CLEC16A: variants seen among roughly 807,000 people sequenced by gnomAD.
The protein encoded by CLEC16A is C-type lectin domain containing 16A, also known as protein CLEC16A.
Under a neutral mutation model 109.5 loss-of-function variants are expected in CLEC16A, and 51 were observed. The ratio of observed to expected loss-of-function variants is 0.47; its 90% CI spans 0.37 to 0.59. The LOEUF is 0.59. Ranked by LOEUF, CLEC16A falls within the 20% of genes least tolerant of loss-of-function variation. The pLI is 0.00. For synonymous variants in CLEC16A, 673 were observed against 564.2 expected (o/e 1.19, Z -2.73); for missense variants, 1,339 against 1,394.0 (o/e 0.96, Z 0.63).
chr16:11,171,111 A>AG (rs1172203804), intron 23 of CLEC16A, among the ~76,000 whole-genome samples: 1 of 152,204 alleles, frequency 6.6e-6, no homozygotes, highest in Non-Finnish European at 1.5e-5. Context: ...GGCCGTGGGC[A>AG]GGGGGGAGGA....
intron 22 of CLEC16A, among the ~76,000 whole-genome samples, chr16:11,164,310 C>T (rs1567410232): frequency 1.3e-5 from 2 of 152,212 alleles, no homozygotes; most frequent in South Asian, 2.1e-4. Context: ...AAGTCACCCC[C>T]AAAACCCAAC....
chr16:10,954,861 G>C lies in CLEC16A; in HGVS notation c.81-2921G>C, dbSNP rs2041913247. Among the ~76,000 whole-genome samples, 1 of 152,142 alleles carries C rather than the reference G, an allele frequency of 6.6e-6. No individual in the cohort carries two copies. Among genetic ancestry groups the C allele is most frequent in the Non-Finnish European group, 1.5e-5 (1 of 68,034 alleles). On this transcript the variant is annotated intron_variant, in intron 1 of 23. Transcript: ENST00000409790. This position sits in a 1 kb window ranked among gnomAD's most constrained non-coding sequence, Gnocchi z 4.2. ...GCCTGATCTCTTTTCTACCTTCCTG[G>C]AATATTCCTTAGATAATGTAGTAAT...
intron 19 of CLEC16A, among the ~76,000 whole-genome samples, chr16:11,070,215 C>T (rs981074909): frequency 2.0e-5 from 3 of 152,046 alleles, no homozygotes; most frequent in Non-Finnish European, 2.9e-5. Flanking sequence ...GGACTACAGG[C>T]GCGTGCCACC....
chr16:11,088,878 T>C (rs2050153172), intron 19 of CLEC16A, among the ~76,000 whole-genome samples: 1 of 152,232 alleles, frequency 6.6e-6, no homozygotes, highest in South Asian at 2.1e-4. Context: ...GCATACTTGT[T>C]AGGCTACCAA....
At position 11,039,883 on chromosome 16, in the gene CLEC16A, A is replaced by G. The variant is rs1477634038; in HGVS notation, c.1660+7A>G. 6.2e-7 allele frequency: 1 copy of G among 1,611,612 alleles called. No individual in the cohort carries two copies. Among genetic ancestry groups the G allele is most frequent in the Admixed American group, 1.7e-5 (1 of 59,752 alleles). ...AACAACGCTGCCCAGCCAGGTGCCC[A>G]CTTGGGGTGTTGTCTGTCCACAGGG... On this transcript the variant is annotated splice_region_variant and intron_variant, in intron 14 of 23. Transcript: ENST00000409790.
intron 10 of CLEC16A, among the ~76,000 whole-genome samples, chr16:11,000,510 C>G (rs927177199): frequency 1.3e-5 from 2 of 152,148 alleles, no homozygotes; most frequent in Admixed American, 6.5e-5. Flanking sequence ...AAGCTAACTT[C>G]CTGGGTTTGG....
chr16:11,132,325 A>G (rs1400337678), intron 22 of CLEC16A, among the ~76,000 whole-genome samples: 1 of 149,280 alleles, frequency 6.7e-6, no homozygotes, highest in Admixed American at 6.9e-5. Flanking sequence ...ATTTCATATC[A>G]ATCATACAAT....
At chr16:11,163,857 G>A (rs2054811176) in intron 22 of CLEC16A, among the ~76,000 whole-genome samples, 1 of 152,176 alleles carries the variant, frequency 6.6e-6, no homozygotes, top group Non-Finnish European at 1.5e-5. Flanking sequence ...TGATAAATAG[G>A]CAGCTCGGGA....
At chr16:11,159,919 A>C (rs1007895612) in intron 22 of CLEC16A, among the ~76,000 whole-genome samples, 1 of 152,154 alleles carries the variant, frequency 6.6e-6, no homozygotes, top group African/African-American at 2.4e-5. Flanking sequence ...AGCCATCTCA[A>C]ACCCTTCCTG....
At chr16:11,030,847 G>C (rs1335550626) in intron 13 of CLEC16A, among the ~76,000 whole-genome samples, 1 of 152,146 alleles carries the variant, frequency 6.6e-6, no homozygotes, top group Non-Finnish European at 1.5e-5. Context: ...GTTTCGCCCT[G>C]TTGGCCAGGC....
intron 19 of CLEC16A, among the ~76,000 whole-genome samples, chr16:11,073,758 G>C (rs1417683124): frequency 3.3e-5 from 5 of 152,180 alleles, no homozygotes; most frequent in Non-Finnish European, 5.9e-5. Context: ...TGCGCTTACC[G>C]CTCTGTATAT....
chr16:11,153,247 G>C (rs923864767), intron 22 of CLEC16A, among the ~76,000 whole-genome samples: 1 of 152,122 alleles, frequency 6.6e-6, no homozygotes, highest in Admixed American at 6.6e-5. Flanking sequence ...TGACACCAGC[G>C]ATTTACATAG....
At chr16:11,023,313 A>G (rs145609239) in intron 12 of CLEC16A, among the ~76,000 whole-genome samples, 6 of 152,206 alleles carry the variant, frequency 3.9e-5, no homozygotes, top group Admixed American at 2.0e-4. Context: ...CCACCCAGCT[A>G]TTGGCATTTG....
At chr16:10,988,548 G>T (rs1329719254) in intron 10 of CLEC16A, among the ~76,000 whole-genome samples, 1 of 152,206 alleles carries the variant, frequency 6.6e-6, no homozygotes, top group East Asian at 1.9e-4. Context: ...GGGCTCTCGT[G>T]ACATTCTTGT....
intron 22 of CLEC16A, among the ~76,000 whole-genome samples, chr16:11,143,634 C>G (rs1174785159): frequency 6.6e-6 from 1 of 152,196 alleles, no homozygotes; most frequent in South Asian, 2.1e-4. Flanking sequence ...TCAGAGCAGA[C>G]AGGATAGGGA....
At chr16:11,052,380 C>T (rs931770885) in intron 18 of CLEC16A, among the ~76,000 whole-genome samples, 15 of 152,144 alleles carry the variant, frequency 9.9e-5, no homozygotes, top group Non-Finnish European at 1.5e-4. Context: ...TGAGTTAATT[C>T]GTGTGTGACA....
intron 11 of CLEC16A, among the ~76,000 whole-genome samples, chr16:11,006,553 C>A (rs2152761653): frequency 6.6e-6 from 1 of 152,276 alleles, no homozygotes; most frequent in East Asian, 1.9e-4. Context: ...GAAAGAGATG[C>A]TGACACTCTG....
intron 3 of CLEC16A, among the ~76,000 whole-genome samples, chr16:10,967,676 G>T (rs776496797): frequency 6.6e-6 from 1 of 152,238 alleles, no homozygotes; most frequent in Non-Finnish European, 1.5e-5. Context: ...TGTCCTGAGT[G>T]CTTTCTGTGC....
intron 22 of CLEC16A, among the ~76,000 whole-genome samples, chr16:11,144,562 C>T (rs183034810): frequency 2.3e-4 from 35 of 152,324 alleles, no homozygotes; most frequent in African/African-American, 7.0e-4. Context: ...TTTGGAAGTA[C>T]GGAGCCCTCA....
Sources: gnomAD v4.1 joint callset for allele counts (sites outside exome capture counted in the v4.1 genomes callset) on GRCh38, gnomAD v4.1.1 for gene constraint, Gnocchi (gnomAD v3.1) non-coding constraint, MANE v1.5 for transcripts, NCBI Gene and HGNC (gene_info 2026-07-23, HGNC 2026-07-21) for gene names.